Variants in EYA2 observed in about 807,000 individuals in gnomAD.
The protein encoded by EYA2 is EYA transcriptional coactivator and phosphatase 2, also known as protein phosphatase EYA2.
Under a neutral mutation model 69.2 loss-of-function variants are expected in EYA2, and 31 were observed. The observed-to-expected ratio is 0.45, with a 90% confidence interval of 0.34 to 0.60. The LOEUF is 0.60. Ranked by LOEUF, EYA2 falls within the 20% of genes least tolerant of loss-of-function variation. The probability of loss-of-function intolerance (pLI) is 0.02; values close to 1 mark genes in which losing one functional copy is unlikely to be tolerated. For missense variants in EYA2, 622 were observed against 701.2 expected (o/e 0.89, Z 1.28); for synonymous variants, 257 against 279.4 (o/e 0.92, Z 0.80).
At chr20:46,980,882 C>T (rs1405260446) in intron 1 of EYA2, among the ~76,000 whole-genome samples, 1 of 152,208 alleles carries the variant, frequency 6.6e-6, no homozygotes, top group Non-Finnish European at 1.5e-5. Context: ...TGGCTTGTTT[C>T]ACTTAACATA....
At chr20:46,953,779 C>A (rs1053947386) in intron 1 of EYA2, among the ~76,000 whole-genome samples, 2 of 152,282 alleles carry the variant, frequency 1.3e-5, no homozygotes, top group Non-Finnish European at 2.9e-5. Flanking sequence ...TGGCATTTTT[C>A]TTTCCTTTTT....
At chr20:47,160,942 G>T in intron 10 of EYA2, 1 of 262,100 alleles carries the variant, frequency 3.8e-6, no homozygotes, top group Non-Finnish European at 7.5e-6. Flanking sequence ...TGAATTCTAG[G>T]GAGACTTGGT....
At chr20:47,088,401 C>A (rs968233002) in intron 7 of EYA2, among the ~76,000 whole-genome samples, 13 of 152,050 alleles carry the variant, frequency 8.5e-5, no homozygotes, top group African/African-American at 3.1e-4. Context: ...TACGTGTTGC[C>A]CTCCTTCTGT....
intron 5 of EYA2, among the ~76,000 whole-genome samples, chr20:47,050,855 G>A (rs1393345221): frequency 6.6e-6 from 1 of 152,254 alleles, no homozygotes; most frequent in Non-Finnish European, 1.5e-5. Flanking sequence ...AAAGCGTAGC[G>A]CTCCAGCAGG....
At chr20:47,032,971 G>A (rs1024229869) in intron 5 of EYA2, among the ~76,000 whole-genome samples, 1 of 152,160 alleles carries the variant, frequency 6.6e-6, no homozygotes, top group African/African-American at 2.4e-5. Flanking sequence ...GTGGCAACCA[G>A]GGCCCCCTTC....
At chr20:46,999,871 A>T (rs1982248399) in intron 2 of EYA2, among the ~76,000 whole-genome samples, 1 of 152,240 alleles carries the variant, frequency 6.6e-6, no homozygotes, top group African/African-American at 2.4e-5. Context: ...GGTTAATGGC[A>T]TCGCGTGCTC....
chr20:47,001,839 A>G (rs1982399849), intron 3 of EYA2, among the ~76,000 whole-genome samples: 1 of 145,120 alleles, frequency 6.9e-6, no homozygotes, highest in Admixed American at 6.9e-5. Context: ...TTTCCCATGC[A>G]TAGGGAATTT....
rs147784599 is a variant in EYA2 at position 47,067,177 on chromosome 20, A to G, written c.416-5008A>G. Among the ~76,000 whole-genome samples the G allele has an allele frequency of 5.4e-3, 819 of 152,324 alleles. 6 individuals are homozygous for G. Among genetic ancestry groups the G allele is most frequent in the African/African-American group, 0.018 (761 of 41,566 alleles). ...CCTGTTTATTTCCAAACCTGCCCTG[A>G]GTCATCATTCAGAAGGTTCATGCAA... is the stretch of plus-strand genomic sequence containing the variant. On this transcript the variant is annotated intron_variant, in intron 5 of 15. Coordinates refer to ENST00000327619, the MANE Select transcript of EYA2 (RefSeq NM_005244.5).
At chr20:47,182,270 C>T (rs1283540478) in intron 14 of EYA2, among the ~76,000 whole-genome samples, 1 of 151,778 alleles carries the variant, frequency 6.6e-6, no homozygotes, top group Non-Finnish European at 1.5e-5. Flanking sequence ...CTGCCTCGGC[C>T]TCCCAAAATG....
rs1429357793 is a variant in EYA2, at chr20:47,181,085, C to A, written c.1435+149C>A. 5.6e-6 allele frequency: 6 copies of A among 1,075,672 alleles called. No individual in the cohort carries two copies. The Admixed American group carries it at 1.4e-4, about 26-fold the overall frequency. The allele number at this position is 1,075,672 out of a possible 1,614,324, so 66.6% of individuals were successfully genotyped here. A position where few individuals can be genotyped will look rare whatever the true frequency, so the allele number is the denominator to read the frequency against. On this transcript the variant is annotated intron_variant, in intron 14 of 15. Coordinates refer to ENST00000327619, the MANE Select transcript of EYA2 (RefSeq NM_005244.5). ...TGACTCAGATTCCCAAAACAGCCCC[C>A]ATAGACCACATGCCTTAACCTCTGC...
chr20:47,176,783 A>C (rs1251271239), intron 12 of EYA2, among the ~76,000 whole-genome samples: 2 of 141,544 alleles, frequency 1.4e-5, no homozygotes, highest in African/African-American at 2.9e-5. Flanking sequence ...CCAGGATCCC[A>C]GGATCCTTCT....
At chr20:46,963,606 G>A (rs573383069) in intron 1 of EYA2, among the ~76,000 whole-genome samples, 5 of 152,342 alleles carry the variant, frequency 3.3e-5, no homozygotes, top group East Asian at 3.9e-4. Context: ...TAATGACAAT[G>A]TCCAGGCCTT....
In EYA2 at chr20:46,898,663, C is replaced by T. The variant is rs1168690193; in HGVS notation, c.-11+3676C>T. ...GGCCTAATGGTGTTTGACTAACACC[C>T]TTTTCTAGTCGGAGGAGGATAAACA... On this transcript the variant is annotated intron_variant, in intron 1 of 15. Transcript: ENST00000327619. Among the ~76,000 whole-genome samples, 3 of 152,160 alleles carry T rather than the reference C, an allele frequency of 2.0e-5. No homozygotes were observed. The East Asian group carries it at 5.8e-4, about 29-fold the overall frequency.
intron 10 of EYA2, among the ~76,000 whole-genome samples, chr20:47,160,582 GT>G (rs1305258617): frequency 6.6e-6 from 1 of 152,162 alleles, no homozygotes; most frequent in African/African-American, 2.4e-5. Context: ...TGATGGATGG[GT>G]GGCAGGATGT....
chr20:47,131,551 A>G (rs757837936), intron 9 of EYA2, among the ~76,000 whole-genome samples: 5 of 152,184 alleles, frequency 3.3e-5, no homozygotes, highest in East Asian at 1.9e-4. Flanking sequence ...GGGACTTTGC[A>G]GCTGTGATTA....
chr20:47,123,626 A>G (rs920303947), intron 9 of EYA2, among the ~76,000 whole-genome samples: 2 of 152,200 alleles, frequency 1.3e-5, no homozygotes, highest in African/African-American at 4.8e-5. Flanking sequence ...CTTAATTGAT[A>G]TATAAATGTT....
chr20:46,944,588 G>A (rs1209222774), intron 1 of EYA2, among the ~76,000 whole-genome samples: 2 of 151,920 alleles, frequency 1.3e-5, no homozygotes, highest in African/African-American at 2.4e-5. Flanking sequence ...AACAGCACCC[G>A]CTCCATAGTG....
intron 9 of EYA2, among the ~76,000 whole-genome samples, chr20:47,105,412 G>C (rs1311717483): frequency 6.6e-6 from 1 of 152,110 alleles, no homozygotes; most frequent in Admixed American, 6.6e-5. Context: ...ATCACTTGAG[G>C]CCAGGAGTTC....
At chr20:47,006,659 CAT>C (rs1179805169) in intron 4 of EYA2, among the ~76,000 whole-genome samples, 3 of 152,114 alleles carry the variant, frequency 2.0e-5, no homozygotes, top group Non-Finnish European at 2.9e-5. Flanking sequence ...AACATTGAGT[CAT>C]GTGTGGGGCA....
Sources: allele counts gnomAD v4.1 joint callset (sites outside exome capture counted in the v4.1 genomes callset), GRCh38; gene constraint gnomAD v4.1.1; transcripts MANE v1.5; gene names NCBI Gene and HGNC (gene_info 2026-07-23, HGNC 2026-07-21).